PRKAG2: variants seen among roughly 807,000 people sequenced by gnomAD.
The protein encoded by PRKAG2 is protein kinase AMP-activated non-catalytic subunit gamma 2, also known as 5'-AMP-activated protein kinase subunit gamma-2.
Under a neutral mutation model 69.6 loss-of-function variants are expected in PRKAG2, and 26 were observed. The observed-to-expected ratio is 0.37, with a 90% CI of 0.27 to 0.52. The LOEUF is 0.52. Among genes scored for constraint, PRKAG2 ranks in the 20% least tolerant of loss-of-function variants. PRKAG2 has a pLI of 0.90. For missense variants in PRKAG2, 557 were observed against 740.0 expected (o/e 0.75, Z 2.87); for synonymous variants, 293 against 285.0 (o/e 1.03, Z -0.28).
chr7:151,736,546 G>T, intron 3 of PRKAG2: 1 of 363,908 alleles, frequency 2.7e-6, no homozygotes, highest in Non-Finnish European at 3.8e-6. Flanking sequence ...GCACCAATTG[G>T]CCAGAGCACA....
chr7:151,775,001 A>G (rs1040436812), intron 3 of PRKAG2, among the ~76,000 whole-genome samples: 4 of 152,208 alleles, frequency 2.6e-5, no homozygotes, highest in Non-Finnish European at 5.9e-5. Flanking sequence ...CTCAGAAAAC[A>G]GGGGATCATA....
chr7:151,852,315 C>T (rs184801982), intron 1 of PRKAG2, among the ~76,000 whole-genome samples: 199 of 152,170 alleles, frequency 1.3e-3, no homozygotes, highest in South Asian at 4.2e-3. Flanking sequence ...GCCAACATGG[C>T]GAAACCCCGT....
intron 1 of PRKAG2, among the ~76,000 whole-genome samples, chr7:151,818,472 C>G (rs1586662267): frequency 6.6e-6 from 1 of 152,256 alleles, no homozygotes. Flanking sequence ...CAGGACTACA[C>G]CACTGCACCC....
intron 1 of PRKAG2, among the ~76,000 whole-genome samples, chr7:151,847,054 C>G (rs2079449226): frequency 6.6e-6 from 1 of 152,208 alleles, no homozygotes; most frequent in Non-Finnish European, 1.5e-5. Context: ...GGTAAATGCT[C>G]TCGGCCTTGT....
At chr7:151,709,276 T>A (rs576164652) in intron 3 of PRKAG2, among the ~76,000 whole-genome samples, 12 of 149,048 alleles carry the variant, frequency 8.1e-5, no homozygotes, top group African/African-American at 2.5e-4. Context: ...TGTGTGACGA[T>A]GAGGGATGTA....
intron 3 of PRKAG2, among the ~76,000 whole-genome samples, chr7:151,753,290 A>C (rs7807769): frequency 0.64 from 96,976 of 152,118 alleles, 32,086 homozygotes; most frequent in East Asian, 1. Flanking sequence ...TGATAGCATG[A>C]TATTTGTGCT....
At chr7:151,855,717 T>C (rs2079757568) in intron 1 of PRKAG2, among the ~76,000 whole-genome samples, 1 of 149,808 alleles carries the variant, frequency 6.7e-6, no homozygotes, top group Admixed American at 6.6e-5. Flanking sequence ...GGCTGTGCCA[T>C]AGGGGAAAAG....
At chr7:151,784,140 C>T (rs982630911) in intron 2 of PRKAG2, among the ~76,000 whole-genome samples, 2 of 152,030 alleles carry the variant, frequency 1.3e-5, no homozygotes, top group African/African-American at 4.8e-5. Context: ...GTCCAAGCCT[C>T]GTTCCCAGGG....
At position 151,670,991 on chromosome 7, in the gene PRKAG2, T is replaced by C. The variant is rs186756365; in HGVS notation, c.684+4429A>G. Among the ~76,000 whole-genome samples the C allele has an allele frequency of 4.3e-4, 65 of 152,188 alleles. No individual in the cohort carries two copies. The East Asian group carries it at 0.012, about 28-fold the overall frequency. ...GAGTTCAAGACCAGCCTGGCCAACA[T>C]GGCAAAACCCCGTCTCTACTAAAAA... On this transcript the variant is annotated intron_variant, in intron 4 of 15. Coordinates refer to ENST00000287878, the MANE Select transcript of PRKAG2 (RefSeq NM_016203.4).
intron 3 of PRKAG2, among the ~76,000 whole-genome samples, chr7:151,689,423 T>C (rs1443229483): frequency 6.6e-6 from 1 of 152,198 alleles, no homozygotes; most frequent in African/African-American, 2.4e-5. Context: ...TTTCCAGGTG[T>C]ACAGCTCTCA....
At chr7:151,790,951 C>T (rs2077248392) in intron 1 of PRKAG2, among the ~76,000 whole-genome samples, 1 of 152,226 alleles carries the variant, frequency 6.6e-6, no homozygotes, top group African/African-American at 2.4e-5. Context: ...CCGTGGACCC[C>T]AGGCGGCTGC....
intron 3 of PRKAG2, among the ~76,000 whole-genome samples, chr7:151,775,856 A>C (rs553573221): frequency 6.6e-6 from 1 of 152,142 alleles, no homozygotes; most frequent in Non-Finnish European, 1.5e-5. Flanking sequence ...CGATGGCATT[A>C]CTCACAGGCT....
At chr7:151,726,289 G>C (rs1586093130) in intron 3 of PRKAG2, among the ~76,000 whole-genome samples, 1 of 152,060 alleles carries the variant, frequency 6.6e-6, no homozygotes, top group Admixed American at 6.5e-5. Flanking sequence ...TGGCAGAAGA[G>C]AGCTGGCATG....
chr7:151,586,409 C>A (rs1463482418), intron 6 of PRKAG2, among the ~76,000 whole-genome samples: 2 of 152,200 alleles, frequency 1.3e-5, no homozygotes, highest in Admixed American at 6.5e-5. Context: ...CATTCCCCAG[C>A]CTCTGCTTTT....
chr7:151,862,664 C>G (rs1359915182), intron 1 of PRKAG2, among the ~76,000 whole-genome samples: 1 of 152,234 alleles, frequency 6.6e-6, no homozygotes, highest in African/African-American at 2.4e-5. Flanking sequence ...AGGAGACAGG[C>G]TGGATACTTC....
Position 151,847,660 on chromosome 7 carries a change from C to T in PRKAG2, c.114+28847G>A, listed in dbSNP as rs549651628. On this transcript the variant is annotated intron_variant, in intron 1 of 15. Coordinates refer to ENST00000287878, the MANE Select transcript of PRKAG2 (RefSeq NM_016203.4). ...GATGAGCTAACCTGGTATATAACCACGCGGCAAAGCACCGACAAGCTCCGC... is the reference window on the plus strand; with the variant it reads ...GATGAGCTAACCTGGTATATAACCATGCGGCAAAGCACCGACAAGCTCCGC... Among the ~76,000 whole-genome samples the T allele has an allele frequency of 1.2e-3, 188 of 152,364 alleles. 5 individuals carry two copies. In the South Asian group the frequency reaches 0.032, roughly 26 times the overall value.
intron 1 of PRKAG2, among the ~76,000 whole-genome samples, chr7:151,840,979 GATTGGTTA>G (rs1357775726): frequency 6.6e-6 from 1 of 152,174 alleles, no homozygotes. Flanking sequence ...TTGACTGATT[GATTGGTTA>G]ATTGATTAAT....
intron 5 of PRKAG2, among the ~76,000 whole-genome samples, chr7:151,596,937 T>A (rs1003273819): frequency 1.3e-5 from 2 of 152,014 alleles, no homozygotes; most frequent in African/African-American, 4.8e-5. Context: ...AATCCTAACA[T>A]TTGTATAGAA....
intron 3 of PRKAG2, among the ~76,000 whole-genome samples, chr7:151,728,639 T>C (rs1340760345): frequency 6.6e-6 from 1 of 152,192 alleles, no homozygotes; most frequent in Admixed American, 6.5e-5. Context: ...CCTTTCGTCT[T>C]CGGACACTTT....
Sources: allele counts gnomAD v4.1 joint callset (sites outside exome capture counted in the v4.1 genomes callset), GRCh38; gene constraint gnomAD v4.1.1; transcripts MANE v1.5; gene names NCBI Gene and HGNC (gene_info 2026-07-23, HGNC 2026-07-21).